Variants in C2orf74 observed in about 807,000 individuals in gnomAD.
C2orf74 encodes uncharacterized protein C2orf74.
In C2orf74, 14 loss-of-function variants were observed where a neutral mutation model predicts 17.9. The ratio of observed to expected loss-of-function variants is 0.78; its 90% CI spans 0.52 to 1.22. The LOEUF is 1.22. C2orf74 is among the 50% of genes most tolerant of loss of function. The probability of loss-of-function intolerance (pLI) is 0.00; values close to 1 mark genes in which losing one functional copy is unlikely to be tolerated. For synonymous variants in C2orf74, 79 were observed against 72.6 expected (o/e 1.09, Z -0.44); for missense variants, 217 against 218.4 (o/e 0.99, Z 0.04).
chr2:61,154,505 A>C (rs1685338074), intron 1 of C2orf74, among the ~76,000 whole-genome samples: 1 of 152,218 alleles, frequency 6.6e-6, no homozygotes, highest in African/African-American at 2.4e-5. Flanking sequence ...ATAATTTATC[A>C]GTATTGGTTC....
rs1007695725 is a variant in C2orf74 at position 61,153,341 on chromosome 2, C to G, written c.-122+8145C>G. 1.2e-4 allele frequency among the ~76,000 whole-genome samples: 18 copies of G among 151,778 alleles called. No homozygotes were observed. The South Asian group carries it at 1.5e-3, about 12-fold the overall frequency. The stretch of plus-strand genomic sequence containing the variant: ...AGTCACCCAGTCTGGAGTGCAGTGG[C>G]GCGATCTCAGCTCACTGCAAGCTCC... On this transcript the variant is annotated intron_variant, in intron 1 of 3. Transcript: ENST00000426997.
intron 1 of C2orf74, among the ~76,000 whole-genome samples, chr2:61,146,535 C>G (rs940113598): frequency 2.0e-5 from 3 of 151,968 alleles, no homozygotes; most frequent in African/African-American, 7.2e-5. Context: ...AAGCTAGAAA[C>G]ATATAATATT....
chr2:61,152,935 C>A (rs1307958892), intron 1 of C2orf74, among the ~76,000 whole-genome samples: 1 of 150,604 alleles, frequency 6.6e-6, no homozygotes, highest in Non-Finnish European at 1.5e-5. Context: ...GTGGGCGGAT[C>A]ACCTGAGGTC....
intron 1 of C2orf74, among the ~76,000 whole-genome samples, chr2:61,150,543 C>T (rs576318234): frequency 1.5e-4 from 23 of 152,304 alleles, no homozygotes; most frequent in Non-Finnish European, 2.8e-4. Flanking sequence ...AGATCCACAT[C>T]GGTCCCCCTC....
chr2:61,153,107 G>T (rs1685285919), intron 1 of C2orf74, among the ~76,000 whole-genome samples: 1 of 148,452 alleles, frequency 6.7e-6, no homozygotes, highest in East Asian at 2.0e-4. Context: ...AGCCGAGATG[G>T]TGCCATTGCA....
chr2:61,159,677 A>T (rs972980287), upstream of C2orf74, among the ~76,000 whole-genome samples: 1 of 152,204 alleles, frequency 6.6e-6, no homozygotes, highest in African/African-American at 2.4e-5. Flanking sequence ...TGGGGAAACA[A>T]ATTGAACAAA....
chr2:61,150,068 G>C (rs1385807846), intron 1 of C2orf74, among the ~76,000 whole-genome samples: 1 of 152,188 alleles, frequency 6.6e-6, no homozygotes. Flanking sequence ...ATCGCCGAAT[G>C]GTTGATGGAA....
chr2:61,161,480 G>C (rs1409709819), upstream of C2orf74, among the ~76,000 whole-genome samples: 1 of 152,198 alleles, frequency 6.6e-6, no homozygotes, highest in East Asian at 1.9e-4. Flanking sequence ...CATCAGTAGA[G>C]ATGATAATAT....
At chr2:61,159,297 T>C (rs1440768095), upstream of C2orf74, 3 of 383,902 alleles carry the variant, frequency 7.8e-6, no homozygotes, top group Admixed American at 3.0e-5. Flanking sequence ...CACCCAGCCT[T>C]TTTTTTTTTC....
At chr2:61,159,620 A>G (rs1017834660), upstream of C2orf74, among the ~76,000 whole-genome samples, 6 of 152,182 alleles carry the variant, frequency 3.9e-5, no homozygotes, top group Non-Finnish European at 5.9e-5. Flanking sequence ...AAAAGGATTG[A>G]GAGGTGGGAC....
At position 61,162,647 on chromosome 2, in the gene C2orf74, G is replaced by A. The variant is rs1397614635; in HGVS notation, c.95+38G>A. The A allele has an allele frequency of 4.6e-6, 6 of 1,292,330 alleles. No individual in the cohort carries two copies. In the Admixed American group the frequency reaches 6.2e-5, roughly 13 times the overall value. The allele number at this position is 1,292,330 out of a possible 1,614,324, so 80.1% of individuals were successfully genotyped here. A position where few individuals can be genotyped will look rare whatever the true frequency, so the allele number is the denominator to read the frequency against. ...GCTGATAATTGGGATCAGATTTCAA[G>A]TCACATTAGCAAATGTGTATAGAAA... On this transcript the variant is annotated intron_variant, in intron 2 of 4. Transcript: ENST00000432605.
intron 1 of C2orf74, among the ~76,000 whole-genome samples, chr2:61,147,271 G>T (rs1438092692): frequency 6.6e-6 from 1 of 151,478 alleles, no homozygotes; most frequent in Admixed American, 6.6e-5. Context: ...CTGCACAATG[G>T]CGCCATCACA....
chr2:61,162,689 A>C (rs1008431116), intron 2 of C2orf74, 80 bp downstream of exon 2: 12 of 1,096,020 alleles, frequency 1.1e-5, no homozygotes, highest in East Asian at 5.1e-5. Flanking sequence ...AAAACAATTT[A>C]AAACAGAACA....
At chr2:61,161,387 G>A (rs1420955011), upstream of C2orf74, among the ~76,000 whole-genome samples, 2 of 152,172 alleles carry the variant, frequency 1.3e-5, no homozygotes, top group Non-Finnish European at 2.9e-5. Context: ...CTTTTATTAT[G>A]TTGAGGTAGT....
intron 1 of C2orf74, chr2:61,151,993 CA>C (rs2105017690): frequency 6.6e-6 from 1 of 152,456 alleles, no homozygotes; most frequent in South Asian, 2.1e-4. Flanking sequence ...GCATTTAAAC[CA>C]TGAAGCTTCT....
upstream of C2orf74, among the ~76,000 whole-genome samples, chr2:61,159,876 TTAAG>T (rs1282722395): frequency 3.3e-5 from 5 of 152,380 alleles, no homozygotes; most frequent in East Asian, 1.9e-4. Flanking sequence ...TTCAGTGGTA[TTAAG>T]TATGTTCACA....
upstream of C2orf74, among the ~76,000 whole-genome samples, chr2:61,160,405 G>A (rs923846256): frequency 2.0e-5 from 3 of 152,084 alleles, no homozygotes; most frequent in Admixed American, 6.6e-5. Context: ...TGATCCACCC[G>A]CCTCAGCCTC....
rs1343177316 is a variant in C2orf74 at position 61,162,486 on chromosome 2, G to A, written c.-29G>A. The stretch of plus-strand genomic sequence containing the variant: ...GAATATTTGGACAGTCTGTGATTGT[G>A]AGAGTGGATGAGTCTTCTAGCTAAA... On this transcript the variant is annotated 5_prime_UTR_variant, in exon 2 of 5. Coordinates refer to ENST00000432605, the MANE Select transcript of C2orf74 (RefSeq NM_001143959.4). 1 of 1,490,400 alleles carries A rather than the reference G, an allele frequency of 6.7e-7. No individual in the cohort carries two copies. Among genetic ancestry groups the A allele is most frequent in the African/African-American group, 1.4e-5 (1 of 71,604 alleles). The allele number at this position is 1,490,400 out of a possible 1,614,324, so 92.3% of individuals were successfully genotyped here.
rs1685588160 is a variant in C2orf74 at position 61,162,418 on chromosome 2, A to G, written c.-97A>G. ...GCTTTTTATTCCTCTGTTTCTAGAA[A>G]ACTTAAAGAACAAGAGAACTGCATT... On this transcript the variant is annotated splice_region_variant and 5_prime_UTR_variant, in exon 2 of 5. Coordinates refer to ENST00000432605, the MANE Select transcript of C2orf74 (RefSeq NM_001143959.4). 1.1e-6 allele frequency: 1 copy of G among 906,476 alleles called. No individual in the cohort carries two copies. The highest frequency in any genetic ancestry group is 2.8e-5 in the Admixed American group (1 of 35,968). 56.2% of individuals were successfully genotyped at this position (906,476 alleles called of 1,614,324 possible).
Sources: allele counts gnomAD v4.1 joint callset (sites outside exome capture counted in the v4.1 genomes callset), GRCh38; gene constraint gnomAD v4.1.1; transcripts MANE v1.5; gene names NCBI Gene and HGNC (gene_info 2026-07-23, HGNC 2026-07-21).